The following CABCOCO1 variants were observed in gnomAD, a reference collection of about 807,000 sequenced individuals.
CABCOCO1 encodes the protein ciliary associated calcium binding coiled-coil 1.
CABCOCO1 carries 28 observed loss-of-function variants against 35.7 expected under a neutral mutation model. The observed-to-expected ratio is 0.78, with a 90% CI of 0.58 to 1.07. The LOEUF (loss-of-function observed/expected upper bound fraction) is 1.07, where lower values mean the gene tolerates loss of function less well. Among genes scored for constraint, CABCOCO1 ranks in the 50% least tolerant of loss-of-function variants. The pLI, the probability that CABCOCO1 is intolerant of heterozygous loss-of-function variation, is 0.00. For missense variants in CABCOCO1, 326 were observed against 309.2 expected (o/e 1.05, Z -0.41); for synonymous variants, 95 against 100.1 (o/e 0.95, Z 0.30).
Position 61,697,145 on chromosome 10 carries a change from T to C in CABCOCO1, c.552+6524T>C, listed in dbSNP as rs368429276. 4.6e-5 allele frequency among the ~76,000 whole-genome samples: 7 copies of C among 152,250 alleles called. No individual in the cohort carries two copies. The East Asian group carries it at 7.7e-4, about 17-fold the overall frequency. Reference sequence around the variant, plus strand: ...TGTGAATGTGAATATCTTTCTTCCCTAAATATCTTCTCTGTAGACATATGT... The same window carrying C: ...TGTGAATGTGAATATCTTTCTTCCCCAAATATCTTCTCTGTAGACATATGT... On this transcript the variant is annotated intron_variant, in intron 5 of 7. Transcript: ENST00000648843.
chr10:61,681,039 C>A, intron 2 of CABCOCO1, 104 bp from the exon 3 acceptor site: 1 of 526,100 alleles, frequency 1.9e-6, no homozygotes, highest in Non-Finnish European at 2.7e-6. Context: ...TGAATATTTT[C>A]AGATTATGGG....
At chr10:61,663,351 G>A (rs958013089) in intron 1 of CABCOCO1, among the ~76,000 whole-genome samples, 2 of 151,876 alleles carry the variant, frequency 1.3e-5, no homozygotes, top group Admixed American at 1.3e-4. Context: ...TCTACCGCAG[G>A]TTTTGTTTTT....
Position 61,765,932 on chromosome 10 carries a change from T to C in CABCOCO1, c.817-7T>C, listed in dbSNP as rs1842098727. The stretch of plus-strand genomic sequence containing the variant: ...CATAACCACGTTTTTTATGATTGTC[T>C]TCACAGACCGAGATAAACGAAAAAC... On this transcript the variant is annotated splice_polypyrimidine_tract_variant and splice_region_variant and intron_variant, in intron 7 of 7. Transcript: ENST00000648843. The C allele has an allele frequency of 1.2e-6, 2 of 1,611,322 alleles. No homozygotes were observed. Among genetic ancestry groups the C allele is most frequent in the Non-Finnish European group, 1.7e-6 (2 of 1,178,528 alleles).
rs1842104845 is a variant in CABCOCO1 at position 61,766,129 on chromosome 10, GC to G, written c.*120del. ...CACTTAGTTGTGAAAGGAAAACCAA[GC>G]CCCACTTTTTATTTTCCTAAGTAAT... is the stretch of plus-strand genomic sequence containing the variant. On this transcript the variant is annotated 3_prime_UTR_variant, in exon 8 of 8. Coordinates refer to ENST00000648843, the MANE Select transcript of CABCOCO1 (RefSeq NM_001366906.2). 4 of 933,126 alleles carry G rather than the reference GC, an allele frequency of 4.3e-6. No homozygotes were observed. Among genetic ancestry groups the G allele is most frequent in the Non-Finnish European group, 4.7e-6 (3 of 636,098 alleles). 57.8% of individuals were successfully genotyped at this position (933,126 alleles called of 1,614,324 possible). A position where few individuals can be genotyped will look rare whatever the true frequency, so the allele number is the denominator to read the frequency against.
At chr10:61,760,221 A>C (rs1269761354) in intron 6 of CABCOCO1, 40 bp downstream of exon 6, 3 of 1,594,446 alleles carry the variant, frequency 1.9e-6, no homozygotes, top group Non-Finnish European at 2.6e-6. Context: ...CTACCTCATC[A>C]TTATATTCTC....
At chr10:61,709,952 C>A (rs1049401105) in intron 5 of CABCOCO1, among the ~76,000 whole-genome samples, 1 of 151,808 alleles carries the variant, frequency 6.6e-6, no homozygotes, top group African/African-American at 2.4e-5. Context: ...AGAGGGAGAA[C>A]GACTTGAATT....
chr10:61,737,565 C>T (rs927569165), intron 5 of CABCOCO1, among the ~76,000 whole-genome samples: 10 of 152,146 alleles, frequency 6.6e-5, no homozygotes, highest in Non-Finnish European at 2.9e-5. Flanking sequence ...AAATGCTCAT[C>T]AATGACAGAC....
At chr10:61,671,214 TACTTG>T (rs752012365) in intron 1 of CABCOCO1, among the ~76,000 whole-genome samples, 4 of 151,856 alleles carry the variant, frequency 2.6e-5, no homozygotes, top group Non-Finnish European at 4.4e-5. Flanking sequence ...TAGTCCCAGC[TACTTG>T]GGAGGCTGAG....
At chr10:61,697,042 A>G (rs531803746) in intron 5 of CABCOCO1, among the ~76,000 whole-genome samples, 14 of 152,290 alleles carry the variant, frequency 9.2e-5, no homozygotes, top group African/African-American at 3.4e-4. Context: ...GCAAGAAAAC[A>G]TAGCTGTATT....
chr10:61,757,698 C>G (rs10994910), intron 5 of CABCOCO1, among the ~76,000 whole-genome samples: 3 of 57,744 alleles, frequency 5.2e-5, no homozygotes, highest in African/African-American at 5.9e-5. Flanking sequence ...CACACACACA[C>G]AGACACACAC....
chr10:61,679,963 A>G (rs1314572461), intron 2 of CABCOCO1, among the ~76,000 whole-genome samples: 1 of 152,114 alleles, frequency 6.6e-6, no homozygotes, highest in Non-Finnish European at 1.5e-5. Flanking sequence ...TGAAGAGAAA[A>G]TTATAACTCT....
chr10:61,668,331 G>T (rs769952822), intron 1 of CABCOCO1, among the ~76,000 whole-genome samples: 17 of 151,798 alleles, frequency 1.1e-4, no homozygotes, highest in African/African-American at 4.1e-4. Flanking sequence ...TTAGTTCAGG[G>T]TTTTGTGTGT....
At chr10:61,759,948 C>A in intron 5 of CABCOCO1, 111 bp from the exon 6 acceptor site, 2 of 1,340,000 alleles carry the variant, frequency 1.5e-6, no homozygotes, top group Non-Finnish European at 2.0e-6. Flanking sequence ...AAGGAGGTGG[C>A]ACTTGAAAGA....
chr10:61,725,872 T>A (rs1177149514), intron 5 of CABCOCO1, among the ~76,000 whole-genome samples: 1 of 152,122 alleles, frequency 6.6e-6, no homozygotes, highest in Non-Finnish European at 1.5e-5. Context: ...ATAATGTGGT[T>A]AGTTTTTATA....
intron 5 of CABCOCO1, among the ~76,000 whole-genome samples, chr10:61,708,557 T>C (rs1840649575): frequency 6.6e-6 from 1 of 152,108 alleles, no homozygotes; most frequent in Admixed American, 6.6e-5. Context: ...TGCTCTCTGC[T>C]TTATAAGGAG....
chr10:61,721,237 T>G (rs1841013141), intron 5 of CABCOCO1, among the ~76,000 whole-genome samples: 2 of 152,098 alleles, frequency 1.3e-5, no homozygotes, highest in Admixed American at 1.3e-4. Flanking sequence ...CCTCTGCTTT[T>G]TCTAGAGGAG....
At chr10:61,744,634 T>C (rs1841617947) in intron 5 of CABCOCO1, among the ~76,000 whole-genome samples, 1 of 152,114 alleles carries the variant, frequency 6.6e-6, no homozygotes, top group East Asian at 1.9e-4. Flanking sequence ...AGTCTTCCAG[T>C]ACATGGCACA....
chr10:61,762,457 G>A (rs1025514043), intron 7 of CABCOCO1, among the ~76,000 whole-genome samples: 1 of 152,064 alleles, frequency 6.6e-6, no homozygotes, highest in Non-Finnish European at 1.5e-5. Flanking sequence ...GTGGACCAGA[G>A]GACAGGGATG....
rs1348138372 is a variant in CABCOCO1 at position 61,686,182 on chromosome 10, T to A, written c.476T>A (p.Ile159Asn). ...AATGCTATCATTGATTACTTAAAAA[T>A]CAGGTATGGATTATTTTCAGTAACA... is the stretch of plus-strand genomic sequence containing the variant. ...QANAIIDYLK[I>N]SLFQHYKLYE... is the part of the protein sequence containing the mutation. Residue 159 changes from isoleucine to asparagine, a missense_variant, in exon 4 of 8, where the codon ATC (isoleucine) becomes AAC (asparagine). Physicochemically the swap from Ile to Asn is moderately radical, Grantham distance 149. Coordinates refer to ENST00000648843, the MANE Select transcript of CABCOCO1 (RefSeq NM_001366906.2). 1 of 1,566,634 alleles carries A rather than the reference T, an allele frequency of 6.4e-7. No homozygotes were observed. The highest frequency in any genetic ancestry group is 2.2e-5 in the Admixed American group (1 of 46,146).
Sources: gnomAD v4.1 joint callset for allele counts (sites outside exome capture counted in the v4.1 genomes callset) on GRCh38, gnomAD v4.1.1 for gene constraint, MANE v1.5 for transcripts, NCBI Gene and HGNC (gene_info 2026-07-23, HGNC 2026-07-21) for gene names.